ST6GALNAC1: variants seen among roughly 807,000 people sequenced by gnomAD.
ST6GALNAC1 encodes the protein alpha-N-acetylgalactosaminide alpha-2,6-sialyltransferase 1.
Under a neutral mutation model 56.8 loss-of-function variants are expected in ST6GALNAC1, and 45 were observed. The ratio of observed to expected loss-of-function variants is 0.79; its 90% CI spans 0.62 to 1.02. The LOEUF (loss-of-function observed/expected upper bound fraction) is 1.02. ST6GALNAC1 is among the 50% of genes least tolerant of loss of function. The pLI, the probability that ST6GALNAC1 is intolerant of heterozygous loss-of-function variation, is 0.00. For missense variants in ST6GALNAC1, 743 were observed against 754.8 expected (o/e 0.98, Z 0.18); for synonymous variants, 295 against 297.8 (o/e 0.99, Z 0.10).
At chr17:76,628,960 G>T (rs1290582243) in intron 2 of ST6GALNAC1, 52 bp downstream of exon 2, 2 of 1,490,008 alleles carry the variant, frequency 1.3e-6, no homozygotes, top group Non-Finnish European at 1.8e-6. Context: ...TTCCTCTCAG[G>T]AGGGGCTTCA....
In ST6GALNAC1 at chr17:76,635,437, C is replaced by T. The variant is rs539710991; in HGVS notation, c.132-5726G>A. Among the ~76,000 whole-genome samples the T allele has an allele frequency of 3.9e-5, 6 of 152,202 alleles. No homozygotes were observed. The East Asian group carries it at 7.7e-4, about 20-fold the overall frequency. ...GGCGGATCACTTGAGGTCAGGAATTCGAGACCAGCCTGGCCAACATGGCGA... is the reference window on the plus strand; with the variant it reads ...GGCGGATCACTTGAGGTCAGGAATTTGAGACCAGCCTGGCCAACATGGCGA... On this transcript the variant is annotated intron_variant, in intron 1 of 8. Transcript: ENST00000156626.
chr17:76,640,476 C>A (rs1368965615), intron 1 of ST6GALNAC1, among the ~76,000 whole-genome samples: 1 of 152,118 alleles, frequency 6.6e-6, no homozygotes, highest in African/African-American at 2.4e-5. Context: ...ATTCCCACCC[C>A]AAAACATCGC....
intron 1 of ST6GALNAC1, among the ~76,000 whole-genome samples, chr17:76,642,826 G>A (rs968391528): frequency 2.0e-5 from 3 of 151,014 alleles, no homozygotes; most frequent in African/African-American, 7.3e-5. Context: ...CAGCTACTCA[G>A]GAAGCTGAGG....
At chr17:76,624,038 ACAGGGCGCCGCGAG>A (rs1295830728), downstream of ST6GALNAC1, among the ~76,000 whole-genome samples, 2 of 152,108 alleles carry the variant, frequency 1.3e-5, no homozygotes, top group Non-Finnish European at 2.9e-5. Context: ...GCCGCGGAGG[ACAGGGCGCCGCGAG>A]CAGGGCGCCG....
At position 76,625,321 on chromosome 17, in the gene ST6GALNAC1, T is replaced by C. The variant is rs771661633; in HGVS notation, c.*9A>G. ...GCAGGCAAGGAGACCATGGCAGCCC[T>C]GGCCCCGGTCAGTTCTTGGCTTTGG... On this transcript the variant is annotated 3_prime_UTR_variant, in exon 9 of 9. Coordinates refer to ENST00000156626, the MANE Select transcript of ST6GALNAC1 (RefSeq NM_018414.5). 1.2e-6 allele frequency: 2 copies of C among 1,611,492 alleles called. No individual in the cohort carries two copies. Among genetic ancestry groups the C allele is most frequent in the African/African-American group, 1.3e-5 (1 of 74,866 alleles).
intron 1 of ST6GALNAC1, among the ~76,000 whole-genome samples, chr17:76,636,218 A>C (rs1038927348): frequency 6.6e-6 from 1 of 152,004 alleles, no homozygotes; most frequent in African/African-American, 2.4e-5. Context: ...TACTATTTTG[A>C]AATGTTATTT....
rs2075860167 is a variant in ST6GALNAC1, at chr17:76,629,412, G to C, written c.431C>G (p.Ala144Gly). The stretch of plus-strand genomic sequence containing the variant: ...CTCTGTCCTGCCAGAGGCCATCCCT[G>C]CATCTTGCCCTCTGGGTGACAGTGT... The part of the protein sequence containing the change: ...VNTLSPRGQD[A>G]GMASGRTEAQ... The change falls in exon 2 of 9, where the codon GCA becomes GGA. Residue 144 changes from alanine (A) to glycine (G), a missense_variant. Coordinates refer to ENST00000156626, the MANE Select transcript of ST6GALNAC1 (RefSeq NM_018414.5). 1.2e-6 allele frequency: 2 copies of C among 1,614,034 alleles called. No homozygotes were observed. Among genetic ancestry groups the C allele is most frequent in the African/African-American group, 2.7e-5 (2 of 74,912 alleles).
intron 2 of ST6GALNAC1, among the ~76,000 whole-genome samples, chr17:76,628,631 A>T (rs1214115466): frequency 3.3e-5 from 5 of 152,042 alleles, no homozygotes; most frequent in Non-Finnish European, 7.4e-5. Flanking sequence ...CTTGTCTGTG[A>T]GTCCCTCCCC....
At chr17:76,620,742 T>TA (rs2075731054), downstream of ST6GALNAC1, among the ~76,000 whole-genome samples, 1 of 43,416 alleles carries the variant, frequency 2.3e-5, no homozygotes, top group Non-Finnish European at 8.4e-5. Flanking sequence ...TGCCCAGCTA[T>TA]TTTTTTTAAT....
At chr17:76,626,168 G>A in intron 6 of ST6GALNAC1, 73 bp from the exon 7 acceptor site, 10 of 1,546,198 alleles carry the variant, frequency 6.5e-6, no homozygotes, top group South Asian at 1.1e-5. Flanking sequence ...AGGGTCATGA[G>A]CATGACTGGT....
intron 1 of ST6GALNAC1, among the ~76,000 whole-genome samples, chr17:76,639,795 C>T (rs1186528061): frequency 1.4e-5 from 2 of 143,654 alleles, no homozygotes; most frequent in Non-Finnish European, 3.0e-5. Flanking sequence ...GGGTGGGAGA[C>T]GTGGGGGATG....
chr17:76,626,705 G>A lies in ST6GALNAC1; in HGVS notation c.1257C>T (p.Thr419=), dbSNP rs773993702. Residue 419 remains threonine, a synonymous_variant, in exon 5 of 9, where the codon ACC becomes ACT. Coordinates refer to ENST00000156626, the MANE Select transcript of ST6GALNAC1 (RefSeq NM_018414.5). ...SFYGFTAFSL[T]QSLLILGNRG... ...GATTGCCCAATATAAGGAGTGACTG[G>A]GTCAGGGAGAAGGCGGTAAAGCCGT... 2.5e-6 allele frequency: 4 copies of A among 1,614,202 alleles called. No individual in the cohort carries two copies. The South Asian group carries it at 4.4e-5, about 18-fold the overall frequency.
intron 1 of ST6GALNAC1, among the ~76,000 whole-genome samples, chr17:76,635,327 T>C (rs2075961211): frequency 6.6e-6 from 1 of 152,190 alleles, no homozygotes; most frequent in Admixed American, 6.5e-5. Context: ...CTAGCTGAAT[T>C]CACTGTGGGC....
Position 76,627,350 on chromosome 17 carries a change from G to T in ST6GALNAC1, c.1000+65C>A. 6.3e-7 allele frequency: 1 copy of T among 1,590,032 alleles called. No homozygotes were observed. The highest frequency in any genetic ancestry group is 1.1e-5 in the South Asian group (1 of 87,902). ...AGGGAAGAGGCAGACCAGAAAGCCA[G>T]CTGCCCTCTGCCCTCTGCCCCGGCC... On this transcript the variant is annotated intron_variant, in intron 3 of 8. Coordinates refer to ENST00000156626, the MANE Select transcript of ST6GALNAC1 (RefSeq NM_018414.5). The surrounding 1 kb of genome is among the most constrained non-coding windows in gnomAD (Gnocchi z 4.4).
chr17:76,626,189 C>A, intron 6 of ST6GALNAC1, 94 bp from the exon 7 acceptor site: 1 of 1,539,432 alleles, frequency 6.5e-7, no homozygotes, highest in Non-Finnish European at 9.0e-7. Context: ...ATCCCATCTC[C>A]AGGTGATAGC....
Position 76,627,151 on chromosome 17 carries a change from A to G in ST6GALNAC1, c.1088T>C (p.Ile363Thr). Residue 363 changes from isoleucine to threonine, a missense_variant, in exon 4 of 9, where the codon ATC (isoleucine) becomes ACC (threonine). Physicochemically the swap from Ile to Thr is moderately conservative, Grantham distance 89 (BLOSUM62 -1). Coordinates refer to ENST00000156626, the MANE Select transcript of ST6GALNAC1 (RefSeq NM_018414.5). The surrounding 1 kb of genome is among the most constrained non-coding windows in gnomAD (Gnocchi z 4.4). ...CCCGTTGCCCACCACGGCACAGGTG[A>G]TGCACCGGAGGCTCCCAGCGGGGAG... The part of the protein sequence containing the change: ...ASLPAGSLRC[I>T]TCAVVGNGGI... 1 of 1,606,284 alleles carries G rather than the reference A, an allele frequency of 6.2e-7. No homozygotes were observed. The highest frequency in any genetic ancestry group is 8.5e-7 in the Non-Finnish European group (1 of 1,175,768).
rs2076077778 is a variant in ST6GALNAC1, at chr17:76,643,601, T to A, written c.38A>T (p.Gln13Leu). 1 of 1,614,052 alleles carries A rather than the reference T, an allele frequency of 6.2e-7. No homozygotes were observed. Among genetic ancestry groups the A allele is most frequent in the Non-Finnish European group, 8.5e-7 (1 of 1,180,012 alleles). The change falls in exon 1 of 9, where the codon CAA (glutamine) becomes CTA (leucine). Residue 13 changes from glutamine (Q) to leucine (L), a missense_variant. By Grantham distance (113) the Gln-to-Leu change is moderately radical. Transcript: ENST00000156626. Reference protein sequence around the residue: ...SCLWRCRHLSQGVQWSLLLAV... With the variant: ...SCLWRCRHLSLGVQWSLLLAV... ...CAGAAGCAAGGACCACTGGACGCCTTGGCTCAGGTGCCTGCATCTCCACAG... is the reference window on the plus strand; with the variant it reads ...CAGAAGCAAGGACCACTGGACGCCTAGGCTCAGGTGCCTGCATCTCCACAG...
rs2075804548 is a variant in ST6GALNAC1 at position 76,626,731 on chromosome 17, A to G, written c.1231T>C (p.Tyr411His). The G allele has an allele frequency of 2.5e-6, 4 of 1,614,140 alleles. No individual in the cohort carries two copies. Among genetic ancestry groups the G allele is most frequent in the Non-Finnish European group, 2.5e-6 (3 of 1,180,048 alleles). The change falls in exon 5 of 9, where the codon TAC becomes CAC. Residue 411 changes from tyrosine (Y) to histidine (H), a missense_variant. By Grantham distance (83) the Tyr-to-His change is moderately conservative. Coordinates refer to ENST00000156626, the MANE Select transcript of ST6GALNAC1 (RefSeq NM_018414.5). ...EQDVGTRTSF[Y>H]GFTAFSLTQS... is the part of the protein sequence containing the mutation. ...GTCAGGGAGAAGGCGGTAAAGCCGT[A>G]GAAGGATGTCCGAGTCCCCACATCC...
In ST6GALNAC1 at chr17:76,629,237, T is replaced by C; in HGVS notation, c.606A>G (p.Arg202=). 1 of 1,614,094 alleles carries C rather than the reference T, an allele frequency of 6.2e-7. No homozygotes were observed. The highest frequency in any genetic ancestry group is 8.5e-7 in the Non-Finnish European group (1 of 1,180,022). ...ACACTGCTCCTGTGGGAGCCAGCAT[T>C]CTGTGCTGACTTTTGGGAATGAGCG... ...AKTLIPKSQH[R]MLAPTGAVST... Residue 202 remains arginine, a synonymous_variant, in exon 2 of 9, where the codon AGA becomes AGG. Transcript: ENST00000156626.
Sources: allele counts gnomAD v4.1 joint callset (sites outside exome capture counted in the v4.1 genomes callset), GRCh38; gene constraint gnomAD v4.1.1; non-coding constraint Gnocchi (gnomAD v3.1); transcripts MANE v1.5; gene names NCBI Gene and HGNC (gene_info 2026-07-23, HGNC 2026-07-21).